Variants in DAPK1 observed in about 807,000 individuals in gnomAD.
DAPK1 encodes death-associated protein kinase 1.
Under a neutral mutation model 144.9 loss-of-function variants are expected in DAPK1, and 56 were observed. The observed-to-expected ratio is 0.39, with a 90% confidence interval of 0.31 to 0.48. DAPK1 has a LOEUF of 0.48. Among genes scored for constraint, DAPK1 ranks in the 20% least tolerant of loss-of-function variants. The pLI is 0.95. For missense variants in DAPK1, 1,454 were observed against 1,875.4 expected, an observed-to-expected ratio of 0.78 and a Z score of 4.15; for synonymous variants, 690 against 749.0, an observed-to-expected ratio of 0.92 and a Z score of 1.29.
At chr9:87,683,906 A>G (rs529517500) in intron 20 of DAPK1, among the ~76,000 whole-genome samples, 1 of 152,108 alleles carries the variant, frequency 6.6e-6, no homozygotes, top group South Asian at 2.1e-4. Flanking sequence ...CTGGGCCCCC[A>G]CAGTCAGTGC....
chr9:87,668,341 C>A, intron 18 of DAPK1: 1 of 471,960 alleles, frequency 2.1e-6, no homozygotes, highest in Non-Finnish European at 3.8e-6. Flanking sequence ...AACCTGTGGA[C>A]CTGAAAGGTG....
chr9:87,502,198 C>T (rs1163815353), intron 2 of DAPK1, among the ~76,000 whole-genome samples: 2 of 151,990 alleles, frequency 1.3e-5, no homozygotes, highest in East Asian at 3.9e-4. Context: ...CAGCATTCAG[C>T]CTCCACTATG....
intron 3 of DAPK1, among the ~76,000 whole-genome samples, chr9:87,609,336 A>G (rs947243068): frequency 2.6e-5 from 4 of 152,194 alleles, no homozygotes; most frequent in African/African-American, 9.7e-5. Flanking sequence ...GATGCGTAGG[A>G]TGCATATGCA....
Position 87,608,388 on chromosome 9 carries a change from G to A in DAPK1, c.284+3213G>A, listed in dbSNP as rs560573875. Among the ~76,000 whole-genome samples the A allele has an allele frequency of 3.3e-5, 5 of 152,242 alleles. No homozygotes were observed. In the South Asian group the frequency reaches 1.0e-3, roughly 32 times the overall value. ...TTTTTTATAAACCATTCACCCATTT[G>A]GGTTGTTTCTGGTATTTGATAATTA... On this transcript the variant is annotated intron_variant, in intron 3 of 25. Transcript: ENST00000408954.
intron 1 of DAPK1, chr9:87,498,769 C>T (rs1259829758): frequency 9.2e-6 from 4 of 435,452 alleles, no homozygotes; most frequent in African/African-American, 2.0e-5. Context: ...TGGTGCCCGG[C>T]CCCACGCGCG....
intron 2 of DAPK1, among the ~76,000 whole-genome samples, chr9:87,561,139 A>G (rs990122568): frequency 6.6e-6 from 1 of 152,138 alleles, no homozygotes; most frequent in African/African-American, 2.4e-5. Context: ...GGAACCAATA[A>G]TATATTAGAT....
Position 87,643,396 on chromosome 9 carries a change from A to G in DAPK1, c.939A>G (p.Ser313=). The G allele has an allele frequency of 6.3e-7, 1 of 1,575,084 alleles. No homozygotes were observed. The highest frequency in any genetic ancestry group is 1.1e-5 in the South Asian group (1 of 88,212). Residue 313 remains serine, a synonymous_variant, in exon 11 of 26, where the codon TCA becomes TCG. Transcript: ENST00000408954. ...KKWKQSVRLI[S]LCQRLSRSFL... ...AAAAGCAATCCGTTCGCTTGATATC[A>G]CTGTGCCAAAGATTATCCAGGTCAT...
intron 17 of DAPK1, among the ~76,000 whole-genome samples, chr9:87,652,241 C>A (rs376338456): frequency 1.1e-4 from 13 of 122,146 alleles, no homozygotes; most frequent in Non-Finnish European, 1.0e-4. Context: ...CCCACCTGAT[C>A]CCAGGTCCTG....
chr9:87,512,685 C>A (rs1254500213), intron 2 of DAPK1, among the ~76,000 whole-genome samples: 3 of 151,902 alleles, frequency 2.0e-5, no homozygotes, highest in Non-Finnish European at 4.4e-5. Flanking sequence ...GCCCTGTCGC[C>A]CAGGCTGGAG....
At chr9:87,611,689 A>T (rs936386463) in intron 3 of DAPK1, among the ~76,000 whole-genome samples, 42 of 152,144 alleles carry the variant, frequency 2.8e-4, no homozygotes, top group African/African-American at 9.7e-4. Context: ...TCCTGGGCTT[A>T]TGCAGCCCTC....
chr9:87,667,721 A>AC (rs397741002), intron 18 of DAPK1: 1 of 151,798 alleles, frequency 6.6e-6, no homozygotes, highest in African/African-American at 2.4e-5. Flanking sequence ...TTAAAAAAAA[A>AC]CATTCATTTT....
At chr9:87,676,571 C>G (rs1824391604) in intron 19 of DAPK1, among the ~76,000 whole-genome samples, 2 of 152,228 alleles carry the variant, frequency 1.3e-5, no homozygotes, top group African/African-American at 4.8e-5. Flanking sequence ...GGATATTTTG[C>G]TTTTCTTTGC....
intron 18 of DAPK1, among the ~76,000 whole-genome samples, chr9:87,666,284 A>G (rs1831049908): frequency 6.6e-6 from 1 of 152,102 alleles, no homozygotes; most frequent in Non-Finnish European, 1.5e-5. Flanking sequence ...GACCCACCAC[A>G]TAGCCGGTGA....
chr9:87,607,358 A>G (rs1828767758), intron 3 of DAPK1, among the ~76,000 whole-genome samples: 1 of 152,210 alleles, frequency 6.6e-6, no homozygotes, highest in Admixed American at 6.5e-5. Context: ...AATCACAACT[A>G]TTCTGCCTTT....
intron 2 of DAPK1, among the ~76,000 whole-genome samples, chr9:87,602,595 CTG>C (rs996791500): frequency 1.3e-5 from 2 of 152,112 alleles, no homozygotes; most frequent in Non-Finnish European, 2.9e-5. Context: ...TTGAAATTCT[CTG>C]TGACTCTCCT....
chr9:87,632,904 G>GTGTATA, intron 3 of DAPK1: 1 of 803,632 alleles, frequency 1.2e-6, no homozygotes, highest in Non-Finnish European at 1.5e-6. Flanking sequence ...AGGAGGATGA[G>GTGTATA]TATATATATA....
intron 2 of DAPK1, among the ~76,000 whole-genome samples, chr9:87,512,161 G>T (rs539492588): frequency 6.6e-6 from 1 of 152,212 alleles, no homozygotes; most frequent in Non-Finnish European, 1.5e-5. Flanking sequence ...GGGCTCAAGT[G>T]ATCCTCTCAC....
intron 2 of DAPK1, among the ~76,000 whole-genome samples, chr9:87,590,524 A>AT (rs538460593): frequency 4.6e-5 from 7 of 151,796 alleles, no homozygotes; most frequent in East Asian, 1.9e-4. Context: ...AAGTTTTGGA[A>AT]TTTTTTTTCT....
At chr9:87,521,231 A>G (rs1825286838) in intron 2 of DAPK1, among the ~76,000 whole-genome samples, 1 of 152,222 alleles carries the variant, frequency 6.6e-6, no homozygotes, top group East Asian at 1.9e-4. Flanking sequence ...TGTGTTTAGC[A>G]ACCAGGTCAT....
Sources: allele counts gnomAD v4.1 joint callset (sites outside exome capture counted in the v4.1 genomes callset), GRCh38; gene constraint gnomAD v4.1.1; transcripts MANE v1.5; gene names NCBI Gene and HGNC (gene_info 2026-07-23, HGNC 2026-07-21).